The following PREX1 variants were observed in gnomAD, a reference collection of about 807,000 sequenced individuals.
PREX1 encodes the protein phosphatidylinositol 3,4,5-trisphosphate-dependent Rac exchanger 1 protein.
Under a neutral mutation model 198.3 loss-of-function variants are expected in PREX1, and 41 were observed. The ratio of observed to expected loss-of-function variants is 0.21; its 90% CI spans 0.16 to 0.27. The LOEUF is 0.27. Among genes scored for constraint, PREX1 ranks in the 10% least tolerant of loss-of-function variants. PREX1 has a pLI of 1.00. For synonymous variants in PREX1, 843 were observed against 887.2 expected, an observed-to-expected ratio of 0.95 and a Z score of 0.89; for missense variants, 1,620 against 2,200.7, an observed-to-expected ratio of 0.74 and a Z score of 5.28.
Position 48,630,764 on chromosome 20 carries a change from G to A in PREX1, c.4557C>T (p.Pro1519=). The A allele has an allele frequency of 1.3e-6, 2 of 1,598,880 alleles. No individual in the cohort carries two copies. The highest frequency in any genetic ancestry group is 1.1e-5 in the South Asian group (1 of 90,756). ...RAFYLERSNL[P]TDASTTAVKI... is the part of the protein sequence containing the mutation. ...TTACCGCCGTGGTGCTGGCATCCGTGGGCAGGTTAGACCGCTCCAGGTAAA... is the reference window on the plus strand; with the variant it reads ...TTACCGCCGTGGTGCTGGCATCCGTAGGCAGGTTAGACCGCTCCAGGTAAA... Residue 1519 remains proline, a synonymous_variant, in exon 36 of 40, where the codon CCC becomes CCT. Transcript: ENST00000371941.
chr20:48,818,039 A>G (rs1352171182), intron 1 of PREX1, among the ~76,000 whole-genome samples: 1 of 152,194 alleles, frequency 6.6e-6, no homozygotes. Flanking sequence ...AGACCCAGTC[A>G]AGAACATGAT....
intron 1 of PREX1, among the ~76,000 whole-genome samples, chr20:48,756,612 AT>A (rs1259379029): frequency 6.6e-6 from 1 of 152,104 alleles, no homozygotes; most frequent in Admixed American, 6.5e-5. Flanking sequence ...TAACAGGCTA[AT>A]TTCTTCCTGA....
At chr20:48,653,777 G>A (rs111250887) in intron 19 of PREX1, among the ~76,000 whole-genome samples, 4 of 152,188 alleles carry the variant, frequency 2.6e-5, no homozygotes, top group Non-Finnish European at 5.9e-5. Context: ...CTAGAACCTC[G>A]TCTCCTTTAA....
intron 1 of PREX1, among the ~76,000 whole-genome samples, chr20:48,752,301 A>T (rs2090137484): frequency 6.6e-6 from 1 of 152,180 alleles, no homozygotes; most frequent in Non-Finnish European, 1.5e-5. Context: ...AGCAAGAGAG[A>T]ATATTGTTTT....
chr20:48,643,621 G>C (rs1366934810), intron 27 of PREX1, among the ~76,000 whole-genome samples: 1 of 152,144 alleles, frequency 6.6e-6, no homozygotes, highest in African/African-American at 2.4e-5. Flanking sequence ...GGTCATTTCT[G>C]GGGGAGATGA....
chr20:48,709,641 A>G (rs1429631439), intron 5 of PREX1, among the ~76,000 whole-genome samples: 1 of 152,216 alleles, frequency 6.6e-6, no homozygotes, highest in Non-Finnish European at 1.5e-5. Context: ...GAAGAAGTAC[A>G]AGGAGGAACT....
chr20:48,664,238 G>A (rs2089618142), intron 15 of PREX1, among the ~76,000 whole-genome samples: 1 of 152,194 alleles, frequency 6.6e-6, no homozygotes, highest in African/African-American at 2.4e-5. Context: ...AGCCGGGTGT[G>A]GTGGCGGGTG....
chr20:48,813,188 G>A (rs992705293), intron 1 of PREX1, among the ~76,000 whole-genome samples: 1 of 152,182 alleles, frequency 6.6e-6, no homozygotes, highest in Non-Finnish European at 1.5e-5. Context: ...TTGGAACAAG[G>A]GAACAAGTCT....
chr20:48,821,930 C>T (rs1221306489), intron 1 of PREX1: 1 of 152,160 alleles, frequency 6.6e-6, no homozygotes, highest in African/African-American at 2.4e-5. Flanking sequence ...GTAGAATCCC[C>T]ACAGGGTTGT....
intron 5 of PREX1, among the ~76,000 whole-genome samples, chr20:48,723,062 C>T (rs1301468211): frequency 6.6e-6 from 1 of 152,234 alleles, no homozygotes; most frequent in Non-Finnish European, 1.5e-5. Flanking sequence ...TCCTGGGCCT[C>T]GGCTGAGGAG....
chr20:48,867,172 A>G, the PREX1 span, among the ~76,000 whole-genome samples: 1 of 152,252 alleles, frequency 6.6e-6, no homozygotes, highest in African/African-American at 2.4e-5. Flanking sequence ...CTTTGGAGAC[A>G]GGAACAGAGG....
Position 48,632,326 on chromosome 20 carries a change from T to A in PREX1, c.4477A>T (p.Ile1493Phe), listed in dbSNP as rs773377510. The change falls in exon 35 of 40, where the codon ATC becomes TTC. Residue 1493 changes from isoleucine (I) to phenylalanine (F), a missense_variant. Coordinates refer to ENST00000371941, the MANE Select transcript of PREX1 (RefSeq NM_020820.4). The part of the protein sequence containing the change: ...SQAAEDLQQD[I>F]NAQSLEKVQQ... Reference sequence around the variant, plus strand: ...ACTTTCTCCAGGGACTGCGCGTTGATGTCCTGCTGCAAATCCTCCGCGGCC... The same window carrying A: ...ACTTTCTCCAGGGACTGCGCGTTGAAGTCCTGCTGCAAATCCTCCGCGGCC... 1 of 1,614,086 alleles carries A rather than the reference T, an allele frequency of 6.2e-7. No homozygotes were observed. The highest frequency in any genetic ancestry group is 8.5e-7 in the Non-Finnish European group (1 of 1,180,000).
rs549854838 is a variant in PREX1 at position 48,775,479 on chromosome 20, G to A, written c.220-27599C>T. On this transcript the variant is annotated intron_variant, in intron 1 of 39. Transcript: ENST00000371941. ...GTGGGGCAGCAGGGGCCTGCTTGGT[G>A]CACAGGGACAACAAGGAGACCACAA... is the stretch of plus-strand genomic sequence containing the variant. 3.4e-4 allele frequency among the ~76,000 whole-genome samples: 52 copies of A among 152,216 alleles called. 1 individual carries two copies. In the South Asian group the frequency reaches 1.0e-2, roughly 29 times the overall value.
chr20:48,863,558 C>T, the PREX1 span, among the ~76,000 whole-genome samples: 1 of 148,918 alleles, frequency 6.7e-6, no homozygotes, highest in Non-Finnish European at 1.5e-5. Flanking sequence ...TAGTTGGAGC[C>T]ATATGGTGTG....
the PREX1 span, among the ~76,000 whole-genome samples, chr20:48,880,369 T>C: frequency 6.6e-6 from 1 of 152,202 alleles, no homozygotes; most frequent in Non-Finnish European, 1.5e-5. Flanking sequence ...CACAGATGTT[T>C]ATTTTTCTCT....
chr20:48,684,865 A>T lies in PREX1; in HGVS notation c.1335-3530T>A, dbSNP rs1423753015. Among the ~76,000 whole-genome samples, 1 of 152,220 alleles carries T rather than the reference A, an allele frequency of 6.6e-6. No homozygotes were observed. The highest frequency in any genetic ancestry group is 1.5e-5 in the Non-Finnish European group (1 of 68,048). Reference sequence around the variant, plus strand: ...TCCACCATCACTCAAAGCTCACTGCAGCCTCAGGGCTTTCGCGCCTACTGC... The same window carrying T: ...TCCACCATCACTCAAAGCTCACTGCTGCCTCAGGGCTTTCGCGCCTACTGC... On this transcript the variant is annotated intron_variant, in intron 10 of 39. Transcript: ENST00000371941. The surrounding 1 kb of genome is among the most constrained non-coding windows in gnomAD (Gnocchi z 4.2).
intron 32 of PREX1, 56 bp from the exon 33 acceptor site, chr20:48,634,831 T>G: frequency 6.7e-7 from 1 of 1,484,756 alleles, no homozygotes; most frequent in Non-Finnish European, 9.4e-7. Context: ...CCCCAGGGTT[T>G]CCTATCAAGA....
chr20:48,678,461 C>A (rs2089724322), intron 13 of PREX1, among the ~76,000 whole-genome samples: 1 of 146,432 alleles, frequency 6.8e-6, no homozygotes, highest in Admixed American at 6.9e-5. Flanking sequence ...CGGAGCAAGA[C>A]CCTGTCTCAA....
intron 1 of PREX1, among the ~76,000 whole-genome samples, chr20:48,761,471 C>T (rs2090179811): frequency 6.6e-6 from 1 of 151,820 alleles, no homozygotes; most frequent in African/African-American, 2.4e-5. Flanking sequence ...GTAGACTACT[C>T]CCACCCCCAC....
Sources: gnomAD v4.1 joint callset for allele counts (sites outside exome capture counted in the v4.1 genomes callset) on GRCh38, gnomAD v4.1.1 for gene constraint, Gnocchi (gnomAD v3.1) non-coding constraint, MANE v1.5 for transcripts, NCBI Gene and HGNC (gene_info 2026-07-23, HGNC 2026-07-21) for gene names.